The following MORN1 variants were observed in gnomAD, a reference collection of about 807,000 sequenced individuals.
MORN1 encodes the protein MORN repeat-containing protein 1.
MORN1 carries 67 observed loss-of-function variants against 61.9 expected under a neutral mutation model. That is an observed-to-expected ratio of 1.08 (90% CI 0.89 to 1.33). MORN1 has a LOEUF of 1.33. Ranked by LOEUF, MORN1 falls within the 40% of genes most tolerant of loss-of-function variation. The pLI, the probability that MORN1 is intolerant of heterozygous loss-of-function variation, is 0.00. For missense variants in MORN1, 752 were observed against 691.2 expected (o/e 1.09, Z -0.99); for synonymous variants, 301 against 292.0 (o/e 1.03, Z -0.31).
chr1:2,391,324 G>A (rs910308025), intron 1 of MORN1, 134 bp downstream of exon 1: 2 of 1,041,926 alleles, frequency 1.9e-6, no homozygotes. Context: ...ACGCGGGGGC[G>A]GCCCTGGCTC....
At position 2,337,145 on chromosome 1, in the gene MORN1, C is replaced by A. The variant is rs1329950635; in HGVS notation, c.1037-295G>T. On this transcript the variant is annotated intron_variant, in intron 10 of 13. Transcript: ENST00000378531. This position sits in a 1 kb window ranked among gnomAD's most constrained non-coding sequence, Gnocchi z 5.7. ...CAGCGCTTTGCAGTGGGAAGGGTCT[C>A]CCATCAGCAGCCCCCGTCAGCCGAG... Among the ~76,000 whole-genome samples, 2 of 152,160 alleles carry A rather than the reference C, an allele frequency of 1.3e-5. No homozygotes were observed. Among genetic ancestry groups the A allele is most frequent in the African/African-American group, 4.8e-5 (2 of 41,424 alleles).
Position 2,321,505 on chromosome 1 carries a change from G to A in MORN1, c.1372C>T (p.His458Tyr). Residue 458 changes from histidine (H) to tyrosine (Y), a missense_variant, in exon 14 of 14, where the codon CAC becomes TAC. Physicochemically the swap from His to Tyr is moderately conservative, Grantham distance 83 (BLOSUM62 2). Coordinates refer to ENST00000378531, the MANE Select transcript of MORN1 (RefSeq NM_024848.3). Reference protein sequence around the residue: ...LGRRLPPAFKHLRVVAKRAGQ... With the variant: ...LGRRLPPAFKYLRVVAKRAGQ... ...GCCCTCTTCGCTACGACCCGCAGGT[G>A]TTTGAAGGCCGGGGGCAGCCTGCGC... The A allele has an allele frequency of 1.3e-6, 2 of 1,532,454 alleles. No individual in the cohort carries two copies. Among genetic ancestry groups the A allele is most frequent in the South Asian group, 1.2e-5 (1 of 81,840 alleles). The allele number at this position is 1,532,454 out of a possible 1,614,324, so 94.9% of individuals were successfully genotyped here. A position where few individuals can be genotyped will look rare whatever the true frequency, so the allele number is the denominator to read the frequency against.
chr1:2,342,837 T>G, intron 10 of MORN1, among the ~76,000 whole-genome samples: 1 of 105,976 alleles, frequency 9.4e-6, no homozygotes, highest in Middle Eastern at 3.9e-3. Context: ...TTTATTTTAT[T>G]TTATATTTTA....
intron 12 of MORN1, among the ~76,000 whole-genome samples, chr1:2,327,269 A>G (rs1435522237): frequency 6.8e-6 from 1 of 147,798 alleles, no homozygotes; most frequent in Admixed American, 6.7e-5. Context: ...CACAGAAACA[A>G]ACACAGAGAC....
intron 7 of MORN1, 92 bp downstream of exon 7, chr1:2,374,369 C>G (rs1045433939): frequency 9.0e-7 from 1 of 1,117,092 alleles, no homozygotes; most frequent in South Asian, 1.4e-5. Flanking sequence ...CCAGTGTGCT[C>G]TTGGTCAGTG....
At chr1:2,336,421 C>T (rs1317479134) in intron 12 of MORN1, 48 bp downstream of exon 12, 2 of 1,578,512 alleles carry the variant, frequency 1.3e-6, no homozygotes, top group Non-Finnish European at 1.7e-6. Flanking sequence ...GATGAGGAGG[C>T]CACAGCTGAC....
Position 2,321,480 on chromosome 1 carries a change from G to GCCAC in MORN1, c.1396_1397insGTGG (p.Ala466GlyfsTer14), listed in dbSNP as rs1640879195. Reference sequence around the variant, plus strand: ...TTCCAGGACATGGGGTGGCTGGCCAGCCCTCTTCGCTACGACCCGCAGGTG... The same window carrying GCCAC: ...TTCCAGGACATGGGGTGGCTGGCCAGCCACCCCTCTTCGCTACGACCCGCAGGTG... On this transcript the variant is annotated frameshift_variant, in exon 14 of 14. Transcript: ENST00000378531. LOFTEE classifies it low-confidence loss of function (END_TRUNC). 2 of 1,529,078 alleles carry GCCAC rather than the reference G, an allele frequency of 1.3e-6. No individual in the cohort carries two copies. Among genetic ancestry groups the GCCAC allele is most frequent in the Middle Eastern group, 1.7e-4 (1 of 5,862 alleles). 94.7% of individuals were successfully genotyped at this position (1,529,078 alleles called of 1,614,324 possible).
intron 12 of MORN1, chr1:2,332,497 T>C (rs1299604916): frequency 2.0e-5 from 8 of 406,070 alleles, no homozygotes; most frequent in Non-Finnish European, 3.0e-5. Context: ...TCGGCAGTTC[T>C]GTCTTGACAT....
chr1:2,358,817 G>A (rs2840545), intron 8 of MORN1, 102 bp from the exon 9 acceptor site: 233,376 of 1,418,260 alleles, frequency 0.16, 21,882 homozygotes, highest in Admixed American at 0.37. Flanking sequence ...ATAACTCAGC[G>A]GGGCCACATT....
intron 10 of MORN1, among the ~76,000 whole-genome samples, chr1:2,348,914 T>C (rs1423297422): frequency 1.3e-5 from 2 of 149,418 alleles, no homozygotes; most frequent in East Asian, 4.0e-4. Flanking sequence ...AACGCACAGG[T>C]TCACTTTCTA....
At chr1:2,323,638 T>C in intron 13 of MORN1, 1 of 985,122 alleles carries the variant, frequency 1.0e-6, no homozygotes, top group Non-Finnish European at 1.2e-6. Context: ...GCTGCACCCC[T>C]CCTTGCTGTC....
chr1:2,382,333 C>T (rs1255529827), intron 6 of MORN1, among the ~76,000 whole-genome samples: 1 of 152,130 alleles, frequency 6.6e-6, no homozygotes, highest in Non-Finnish European at 1.5e-5. Flanking sequence ...GGTGAGGGAG[C>T]CTGCCATCCT....
At chr1:2,330,692 A>G (rs573569690) in intron 12 of MORN1, among the ~76,000 whole-genome samples, 237 of 152,364 alleles carry the variant, frequency 1.6e-3, no homozygotes, top group African/African-American at 5.5e-3. Flanking sequence ...TTGGATGCCG[A>G]CAGCCACCAC....
In MORN1 at chr1:2,334,923, C is replaced by T. The variant is rs373656688; in HGVS notation, c.1250+1546G>A. On this transcript the variant is annotated intron_variant, in intron 12 of 13. Coordinates refer to ENST00000378531, the MANE Select transcript of MORN1 (RefSeq NM_024848.3). This position sits in a 1 kb window ranked among gnomAD's most constrained non-coding sequence, Gnocchi z 5.4. ...AAGTGGAGGTGCCGCCCTGGGCGTTCGGGTCTGTGTGAGTCTGTGGGAGTG... is the reference window on the plus strand; with the variant it reads ...AAGTGGAGGTGCCGCCCTGGGCGTTTGGGTCTGTGTGAGTCTGTGGGAGTG... Among the ~76,000 whole-genome samples, 70 of 152,306 alleles carry T rather than the reference C, an allele frequency of 4.6e-4. No individual in the cohort carries two copies. The highest frequency in any genetic ancestry group is 1.5e-3 in the African/African-American group (63 of 41,566).
At chr1:2,344,223 G>C (rs900805535) in intron 10 of MORN1, among the ~76,000 whole-genome samples, 1 of 152,152 alleles carries the variant, frequency 6.6e-6, no homozygotes, top group Non-Finnish European at 1.5e-5. Context: ...TTGCGAGAGC[G>C]GCATCACCTG....
intron 12 of MORN1, among the ~76,000 whole-genome samples, chr1:2,324,515 A>G (rs1276897302): frequency 6.6e-6 from 1 of 152,198 alleles, no homozygotes; most frequent in East Asian, 1.9e-4. Flanking sequence ...TGAGCCCCTG[A>G]GAGACGGCGA....
chr1:2,369,469 T>C lies in MORN1; in HGVS notation c.745+3012A>G, dbSNP rs368130189. Among the ~76,000 whole-genome samples, 20 of 152,066 alleles carry C rather than the reference T, an allele frequency of 1.3e-4. No homozygotes were observed. In the East Asian group the frequency reaches 3.9e-3, roughly 29 times the overall value. The stretch of plus-strand genomic sequence containing the variant: ...AATGTAAAAACCTTGCAGCTTTTCA[T>C]GTTCAGACTGAAAAGGAAGAAGTAA... On this transcript the variant is annotated intron_variant, in intron 8 of 13. Transcript: ENST00000378531.
chr1:2,388,775 C>CAAA (rs57362688), intron 2 of MORN1, among the ~76,000 whole-genome samples: 54 of 64,536 alleles, frequency 8.4e-4, no homozygotes, highest in East Asian at 3.0e-3. Flanking sequence ...AAGACTGTCT[C>CAAA]AAAAAAAAAA....
intron 8 of MORN1, among the ~76,000 whole-genome samples, chr1:2,363,811 A>AT (rs1553217340): frequency 3.0e-5 from 4 of 135,100 alleles, no homozygotes; most frequent in African/African-American, 1.2e-4. Context: ...CAAACAAAAA[A>AT]ATATATATAT....
Sources: gnomAD v4.1 joint callset for allele counts (sites outside exome capture counted in the v4.1 genomes callset) on GRCh38, gnomAD v4.1.1 for gene constraint, Gnocchi (gnomAD v3.1) non-coding constraint, MANE v1.5 for transcripts, NCBI Gene and HGNC (gene_info 2026-07-23, HGNC 2026-07-21) for gene names.